ZNF302: variants seen among roughly 807,000 people sequenced by gnomAD.
ZNF302 encodes zinc finger protein 302.
A neutral mutation model predicts 10.8 loss-of-function variants in ZNF302; 12 were observed. The ratio of observed to expected loss-of-function variants is 1.11; its 90% CI spans 0.71 to 1.79. The LOEUF is 1.79. ZNF302 is among the 40% of genes most tolerant of loss of function. The pLI is 0.00. For missense variants in ZNF302, 461 were observed against 471.1 expected (o/e 0.98, Z 0.20); for synonymous variants, 178 against 157.5 (o/e 1.13, Z -0.98).
Position 34,679,322 on chromosome 19 carries a change from A to T in ZNF302, c.9+509A>T, listed in dbSNP as rs543973061. ...GCGGTAGCCTCCTAGCTGGATTCCC[A>T]GCATCTGCCCTTAACCCTCATCAGT... is the stretch of plus-strand genomic sequence containing the variant. On this transcript the variant is annotated intron_variant, in intron 2 of 4. Coordinates refer to ENST00000505242, the MANE Select transcript of ZNF302 (RefSeq NM_001289187.2). Among the ~76,000 whole-genome samples the T allele has an allele frequency of 2.1e-3, 326 of 152,304 alleles. 2 individuals carry two copies. Among genetic ancestry groups the T allele is most frequent in the African/African-American group, 7.3e-3 (305 of 41,566 alleles).
chr19:34,682,965 T>G (rs2068436624), intron 3 of ZNF302, 68 bp downstream of exon 3: 2 of 1,596,080 alleles, frequency 1.3e-6, no homozygotes, highest in South Asian at 1.1e-5. Context: ...TTGCTGGAGA[T>G]TCTCCTAAGT....
intron 4 of ZNF302, among the ~76,000 whole-genome samples, chr19:34,683,630 TAG>T (rs2068474532): frequency 6.6e-6 from 1 of 152,188 alleles, no homozygotes. Context: ...ATGAACATAT[TAG>T]AGGAAGTAAG....
At position 34,684,098 on chromosome 19, in the gene ZNF302, A is replaced by G. The variant is rs769746096; in HGVS notation, c.215-154A>G. 7 of 1,508,614 alleles carry G rather than the reference A, an allele frequency of 4.6e-6. No individual in the cohort carries two copies. In the African/African-American group the frequency reaches 7.2e-5, roughly 15 times the overall value. 93.5% of individuals were successfully genotyped at this position (1,508,614 alleles called of 1,614,324 possible). ...TCACTGAAATATTTGAGTTGTCAGA[A>G]CTATGTGTTTTCTGGGTGCTTCATT... On this transcript the variant is annotated intron_variant, in intron 4 of 4. Transcript: ENST00000505242.
rs1430908157 is a variant in ZNF302 at position 34,685,348 on chromosome 19, G to T, written c.*111G>T. 1 of 1,613,534 alleles carries T rather than the reference G, an allele frequency of 6.2e-7. No individual in the cohort carries two copies. Among genetic ancestry groups the T allele is most frequent in the East Asian group, 2.2e-5 (1 of 44,858 alleles). ...TATGTGGGAAAGCCTTTAGTCATAGGTCGTCCCTGCTTCAACATCACAGTA... is the reference window on the plus strand; with the variant it reads ...TATGTGGGAAAGCCTTTAGTCATAGTTCGTCCCTGCTTCAACATCACAGTA... On this transcript the variant is annotated 3_prime_UTR_variant, in exon 5 of 5. Coordinates refer to ENST00000505242, the MANE Select transcript of ZNF302 (RefSeq NM_001289187.2).
At chr19:34,683,073 C>T in intron 3 of ZNF302, 82 bp from the exon 4 acceptor site, 1 of 1,592,588 alleles carries the variant, frequency 6.3e-7, no homozygotes, top group Non-Finnish European at 8.6e-7. Flanking sequence ...CACCCTTCAT[C>T]CATTCCTGTG....
At chr19:34,680,928 A>G (rs1257872986) in intron 2 of ZNF302, among the ~76,000 whole-genome samples, 1 of 152,232 alleles carries the variant, frequency 6.6e-6, no homozygotes, top group South Asian at 2.1e-4. Flanking sequence ...TCATCTCAAT[A>G]GTGGATCGCT....
At chr19:34,683,072 T>C (rs182831048) in intron 3 of ZNF302, 83 bp from the exon 4 acceptor site, 99 of 1,593,490 alleles carry the variant, frequency 6.2e-5, no homozygotes, top group Middle Eastern at 1.8e-4. Context: ...ACACCCTTCA[T>C]CCATTCCTGT....
rs375786730 is a variant in ZNF302 at position 34,682,884 on chromosome 19, C to T, written c.117C>T (p.Asn39=). ...YKDVMVQNYE[N]LVSVGLSVTK... is the part of the protein sequence containing the mutation. ...ATGTGATGGTCCAGAATTATGAGAACCTGGTCTCTGTAGGTAAGGATATCA... is the reference window on the plus strand; with the variant it reads ...ATGTGATGGTCCAGAATTATGAGAATCTGGTCTCTGTAGGTAAGGATATCA... The change falls in exon 3 of 5, where the codon AAC becomes AAT. Residue 39 remains asparagine (N), a synonymous_variant. Coordinates refer to ENST00000505242, the MANE Select transcript of ZNF302 (RefSeq NM_001289187.2). 6.2e-7 allele frequency: 1 copy of T among 1,613,714 alleles called. No homozygotes were observed. Among genetic ancestry groups the T allele is most frequent in the Non-Finnish European group, 8.5e-7 (1 of 1,179,692 alleles).
intron 4 of ZNF302, chr19:34,683,852 GA>G: frequency 6.5e-5 from 45 of 689,678 alleles, no homozygotes; most frequent in Non-Finnish European, 8.5e-5. Context: ...TGGAAGGTTG[GA>G]AAAAAAGGCT....
chr19:34,685,189 T>A lies in ZNF302; in HGVS notation c.1152T>A (p.Leu384=). ...AGGTCTTTAGTAGCTTCTCATTTCT[T>A]GTTCAACATCAGAGTATTCATACTG... is the stretch of plus-strand genomic sequence containing the variant. ...CLKVFSSFSF[L]VQHQSIHTEE... Residue 384 remains leucine, a synonymous_variant, in exon 5 of 5, where the codon CTT becomes CTA. Coordinates refer to ENST00000505242, the MANE Select transcript of ZNF302 (RefSeq NM_001289187.2). The A allele has an allele frequency of 6.2e-7, 1 of 1,605,866 alleles. No homozygotes were observed. Among genetic ancestry groups the A allele is most frequent in the Non-Finnish European group, 8.5e-7 (1 of 1,176,918 alleles).
intron 4 of ZNF302, 31 bp from the exon 5 acceptor site, chr19:34,684,199 AAAAAAAAAAAAAAAAAAAAAAG>A: frequency 3.1e-6 from 4 of 1,282,312 alleles, no homozygotes; most frequent in Non-Finnish European, 4.0e-6. Flanking sequence ...AAAAAAAAAA[AAAAAAAAAAAAAAAAAAAAAAG>A]GCAGTGCTTT....
At chr19:34,679,546 G>A (rs1469286579) in intron 2 of ZNF302, among the ~76,000 whole-genome samples, 1 of 152,146 alleles carries the variant, frequency 6.6e-6, no homozygotes, top group African/African-American at 2.4e-5. Flanking sequence ...ACCAGTTGCT[G>A]TGCCATCCAC....
intron 2 of ZNF302, 23 bp from the exon 3 acceptor site, chr19:34,682,754 C>T: frequency 6.2e-7 from 1 of 1,612,980 alleles, no homozygotes; most frequent in Non-Finnish European, 8.5e-7. Flanking sequence ...TATGGCTGAG[C>T]CTAAATATAT....
intron 4 of ZNF302, chr19:34,684,013 ACT>A (rs1254468211): frequency 6.7e-6 from 10 of 1,485,250 alleles, no homozygotes; most frequent in Non-Finnish European, 8.0e-6. Flanking sequence ...CCTTTATCAC[ACT>A]CTGTTCCTGC....
At chr19:34,679,970 G>C in intron 2 of ZNF302, 4 of 702,076 alleles carry the variant, frequency 5.7e-6, no homozygotes, top group Middle Eastern at 4.6e-4. Context: ...GTAAGTAGCA[G>C]ATGTACATCT....
intron 4 of ZNF302, 114 bp from the exon 5 acceptor site, chr19:34,684,135 TCTC>T (rs762394996): frequency 2.5e-4 from 378 of 1,500,092 alleles, no homozygotes; most frequent in Non-Finnish European, 3.2e-4. Context: ...CTTATCCAAT[TCTC>T]CTAATTCCAC....
rs374146139 is a variant in ZNF302, at chr19:34,684,288, C to T, written c.251C>T (p.Thr84Ile). 3 of 1,483,482 alleles carry T rather than the reference C, an allele frequency of 2.0e-6. No individual in the cohort carries two copies. In the African/African-American group the frequency reaches 4.7e-5, roughly 23 times the overall value. The allele number at this position is 1,483,482 out of a possible 1,614,324, so 91.9% of individuals were successfully genotyped here. A position where few individuals can be genotyped will look rare whatever the true frequency, so the allele number is the denominator to read the frequency against. The change falls in exon 5 of 5, where the codon ACA (threonine) becomes ATA (isoleucine). Residue 84 changes from threonine to isoleucine, a missense_variant. Physicochemically the swap from Thr to Ile is moderately conservative, Grantham distance 89. Transcript: ENST00000505242. ...AGATGGGAAAACAAGGAATTATCAA[C>T]AAAGAAGGATATTTATGATGAAGAT... is the stretch of plus-strand genomic sequence containing the variant. ...ESRWENKELSTKKDIYDEDSP... is the reference protein window; with the variant it reads ...ESRWENKELSIKKDIYDEDSP...
rs773972009 is a variant in ZNF302, at chr19:34,684,946, T to G, written c.909T>G (p.His303Gln). The change falls in exon 5 of 5, where the codon CAT becomes CAG. Residue 303 changes from histidine to glutamine, a missense_variant. Coordinates refer to ENST00000505242, the MANE Select transcript of ZNF302 (RefSeq NM_001289187.2). ...GTCGTGTGTCCCTTCTCATTCAGCA[T>G]CTAAGAATTCATACGCAAGAAAAAC... The part of the protein sequence containing the change: ...SFSRVSLLIQ[H>Q]LRIHTQEKRY... 10 of 1,613,910 alleles carry G rather than the reference T, an allele frequency of 6.2e-6. No individual in the cohort carries two copies. Among genetic ancestry groups the G allele is most frequent in the Non-Finnish European group, 8.5e-6 (10 of 1,179,930 alleles).
Position 34,685,251 on chromosome 19 carries a change from C to T in ZNF302, c.*14C>T. On this transcript the variant is annotated 3_prime_UTR_variant, in exon 5 of 5. Coordinates refer to ENST00000505242, the MANE Select transcript of ZNF302 (RefSeq NM_001289187.2). Reference sequence around the variant, plus strand: ...TTTGAAGTTTAGAAATGCAGGAAATCCTTCAACCAGCTTGAATCACTGAAT... The same window carrying T: ...TTTGAAGTTTAGAAATGCAGGAAATTCTTCAACCAGCTTGAATCACTGAAT... The T allele has an allele frequency of 6.2e-7, 1 of 1,613,452 alleles. No individual in the cohort carries two copies.
Sources: gnomAD v4.1 joint callset for allele counts (sites outside exome capture counted in the v4.1 genomes callset) on GRCh38, gnomAD v4.1.1 for gene constraint, MANE v1.5 for transcripts, NCBI Gene and HGNC (gene_info 2026-07-23, HGNC 2026-07-21) for gene names.